The following XPO5 variants were observed in gnomAD, a reference collection of about 807,000 sequenced individuals.
XPO5 encodes exportin-5.
A neutral mutation model predicts 160.6 loss-of-function variants in XPO5; 46 were observed. The observed-to-expected ratio is 0.29, with a 90% confidence interval of 0.23 to 0.37. The LOEUF (loss-of-function observed/expected upper bound fraction) is 0.37. Among genes scored for constraint, XPO5 ranks in the 10% least tolerant of loss-of-function variants. The pLI is 1.00. For missense variants in XPO5, 1,090 were observed against 1,463.9 expected (o/e 0.74, Z 4.17); for synonymous variants, 537 against 519.3 (o/e 1.03, Z -0.46).
intron 28 of XPO5, 25 bp downstream of exon 28, chr6:43,525,814 G>T (rs759424503): frequency 6.2e-7 from 1 of 1,612,834 alleles, no homozygotes; most frequent in Non-Finnish European, 8.5e-7. Flanking sequence ...AAGGAGTAAA[G>T]GTATCACCTG....
chr6:43,526,847 G>A, intron 26 of XPO5, 100 bp from the exon 27 acceptor site: 1 of 1,236,886 alleles, frequency 8.1e-7, no homozygotes, highest in South Asian at 1.3e-5. Flanking sequence ...GGCCAGGTGA[G>A]GAAGGAGGAA....
At chr6:43,570,311 CAAAA>C (rs70990200) in intron 5 of XPO5, among the ~76,000 whole-genome samples, 187 bp downstream of exon 5, 7 of 77,194 alleles carry the variant, frequency 9.1e-5, no homozygotes, top group Middle Eastern at 5.6e-3. Context: ...GCCTCCGTCT[CAAAA>C]AAAAAAAAAA....
intron 12 of XPO5, 134 bp downstream of exon 12, chr6:43,558,367 T>C (rs968073251): frequency 6.7e-5 from 50 of 743,358 alleles, no homozygotes; most frequent in Non-Finnish European, 2.8e-5. Context: ...AATGGGAAAC[T>C]AGGGCCTAAT....
chr6:43,522,620 C>T lies in XPO5; in HGVS notation c.*1248G>A. 1 of 399,454 alleles carries T rather than the reference C, an allele frequency of 2.5e-6. No individual in the cohort carries two copies. 24.7% of individuals were successfully genotyped at this position (399,454 alleles called of 1,614,324 possible). On this transcript the variant is annotated 3_prime_UTR_variant, in exon 32 of 32. Transcript: ENST00000265351. ...AACACAAGACTCCCAACTTCTGCTT[C>T]CCCAGCTTTGCTTCTTCTCAATCTG... is the stretch of plus-strand genomic sequence containing the variant.
intron 7 of XPO5, chr6:43,566,534 C>T (rs12663525): frequency 1.9e-5 from 4 of 213,184 alleles, no homozygotes; most frequent in Admixed American, 8.7e-5. Flanking sequence ...ATAGGCTTGG[C>T]GCAGTGGCTC....
chr6:43,558,326 T>C (rs1762221478), intron 12 of XPO5, among the ~76,000 whole-genome samples, 175 bp downstream of exon 12: 1 of 152,116 alleles, frequency 6.6e-6, no homozygotes, highest in Admixed American at 6.6e-5. Flanking sequence ...CAAAATATTA[T>C]GCCTGGAATA....
intron 20 of XPO5, chr6:43,538,691 C>G (rs1386033729): frequency 4.8e-6 from 2 of 420,876 alleles, no homozygotes; most frequent in Non-Finnish European, 8.3e-6. Flanking sequence ...TATAATTTTC[C>G]TCTTTGGTAC....
chr6:43,559,260 G>A (rs1439761311), intron 11 of XPO5, among the ~76,000 whole-genome samples: 2 of 152,222 alleles, frequency 1.3e-5, no homozygotes, highest in Non-Finnish European at 2.9e-5. Flanking sequence ...TCGTGCCACT[G>A]CACTCCAGCC....
chr6:43,526,856 A>C, intron 26 of XPO5, 109 bp from the exon 27 acceptor site: 2 of 1,093,702 alleles, frequency 1.8e-6, no homozygotes, highest in Non-Finnish European at 2.7e-6. Flanking sequence ...AGGAAGGAGG[A>C]AGATGGGGGT....
At position 43,522,711 on chromosome 6, in the gene XPO5, C is replaced by T. The variant is rs1793269996; in HGVS notation, c.*1157G>A. On this transcript the variant is annotated 3_prime_UTR_variant, in exon 32 of 32. Coordinates refer to ENST00000265351, the MANE Select transcript of XPO5 (RefSeq NM_020750.3). ...AGTCCACTTCGGCTCTCGGGGAAAC[C>T]CTCTTGTCAGTGGACTGGATGGACA... The T allele has an allele frequency of 2.0e-6, 1 of 501,592 alleles. No individual in the cohort carries two copies. The highest frequency in any genetic ancestry group is 1.9e-5 in the African/African-American group (1 of 51,382). The allele number at this position is 501,592 out of a possible 1,614,324, so 31.1% of individuals were successfully genotyped here. A position where few individuals can be genotyped will look rare whatever the true frequency, so the allele number is the denominator to read the frequency against.
chr6:43,573,760 T>G (rs1265078150), intron 1 of XPO5, among the ~76,000 whole-genome samples, 159 bp from the exon 2 acceptor site: 3 of 150,074 alleles, frequency 2.0e-5, no homozygotes, highest in Admixed American at 2.0e-4. Context: ...AGTCTAGGAG[T>G]CTGAGACTAG....
In XPO5 at chr6:43,522,745, GTTTTT is replaced by G. The variant is rs780756751; in HGVS notation, c.*1118_*1122del. 4.0e-6 allele frequency: 2 copies of G among 495,858 alleles called. No individual in the cohort carries two copies. The highest frequency in any genetic ancestry group is 3.0e-5 in the South Asian group (2 of 66,686). 30.7% of individuals were successfully genotyped at this position (495,858 alleles called of 1,614,324 possible). The stretch of plus-strand genomic sequence containing the variant: ...AGTGGACTGGATGGACAACAGGTCT[GTTTTT>G]GTGCAGAGCACATGGACACACTGGT... On this transcript the variant is annotated 3_prime_UTR_variant, in exon 32 of 32. Coordinates refer to ENST00000265351, the MANE Select transcript of XPO5 (RefSeq NM_020750.3).
In XPO5 at chr6:43,561,014, GAGA is replaced by G. The variant is rs1294453334; in HGVS notation, c.1012-10_1012-8del. ...CTACATCAGAATCTGCACCCTGTAG[GAGA>G]AGACCACTATATTAACGGTGTTGAT... On this transcript the variant is annotated splice_polypyrimidine_tract_variant and splice_region_variant and intron_variant, in intron 9 of 31. Transcript: ENST00000265351. The G allele has an allele frequency of 6.2e-7, 1 of 1,609,580 alleles. No individual in the cohort carries two copies. Among genetic ancestry groups the G allele is most frequent in the Non-Finnish European group, 8.5e-7 (1 of 1,175,986 alleles).
In XPO5 at chr6:43,529,040, A is replaced by T; in HGVS notation, c.2678-115T>A. On this transcript the variant is annotated intron_variant, in intron 23 of 31. Coordinates refer to ENST00000265351, the MANE Select transcript of XPO5 (RefSeq NM_020750.3). ...CTAAAGGATTTGCCAGATGTCAAAA[A>T]TATCCTGTGTTAACAGTGAAAAAAT... is the stretch of plus-strand genomic sequence containing the variant. The T allele has an allele frequency of 2.6e-6, 3 of 1,150,634 alleles. No homozygotes were observed. The South Asian group carries it at 4.5e-5, about 17-fold the overall frequency. 71.3% of individuals were successfully genotyped at this position (1,150,634 alleles called of 1,614,324 possible).
chr6:43,523,583 C>G lies in XPO5; in HGVS notation c.*285G>C. The stretch of plus-strand genomic sequence containing the variant: ...GGGAGGGCTTGTGGGAGAAGGGCTG[C>G]TCTGCTCTAGCTTTTCTTGGAAAAG... On this transcript the variant is annotated 3_prime_UTR_variant, in exon 32 of 32. Coordinates refer to ENST00000265351, the MANE Select transcript of XPO5 (RefSeq NM_020750.3). The G allele has an allele frequency of 1.6e-6, 1 of 607,864 alleles. No homozygotes were observed. The highest frequency in any genetic ancestry group is 3.2e-6 in the Non-Finnish European group (1 of 316,124). 37.7% of individuals were successfully genotyped at this position (607,864 alleles called of 1,614,324 possible).
chr6:43,559,464 T>C (rs979598312), intron 11 of XPO5, among the ~76,000 whole-genome samples: 3 of 152,204 alleles, frequency 2.0e-5, no homozygotes, highest in Non-Finnish European at 4.4e-5. Context: ...TCTACTGAGG[T>C]AGTGAGCAAT....
At chr6:43,568,378 G>A (rs1161755490) in intron 6 of XPO5, among the ~76,000 whole-genome samples, 2 of 151,954 alleles carry the variant, frequency 1.3e-5, no homozygotes, top group Non-Finnish European at 2.9e-5. Flanking sequence ...TCAGGAGGTC[G>A]AGGCTGGAGG....
intron 20 of XPO5, chr6:43,538,816 A>G: frequency 2.9e-6 from 3 of 1,019,916 alleles, no homozygotes; most frequent in Non-Finnish European, 4.2e-6. Context: ...TTCTTGTATA[A>G]AAACCCTATG....
chr6:43,575,643 G>C, intron 1 of XPO5, 117 bp downstream of exon 1: 1 of 899,086 alleles, frequency 1.1e-6, no homozygotes, highest in Non-Finnish European at 1.7e-6. Context: ...GGGGAGTTGG[G>C]AAAGGAGGTC....
Sources: allele counts gnomAD v4.1 joint callset (sites outside exome capture counted in the v4.1 genomes callset), GRCh38; gene constraint gnomAD v4.1.1; transcripts MANE v1.5; gene names NCBI Gene and HGNC (gene_info 2026-07-23, HGNC 2026-07-21).